COL25A1: variants seen among roughly 807,000 people sequenced by gnomAD.
The protein encoded by COL25A1 is collagen alpha-1(XXV) chain.
COL25A1 carries 103 observed loss-of-function variants against 128.4 expected under a neutral mutation model. That is an observed-to-expected ratio of 0.80 (90% CI 0.68 to 0.94). The LOEUF (loss-of-function observed/expected upper bound fraction) is 0.94, where lower values mean the gene tolerates loss of function less well. COL25A1 is among the 40% of genes least tolerant of loss of function. The probability of loss-of-function intolerance (pLI) is 0.00; values close to 1 mark genes in which losing one functional copy is unlikely to be tolerated. For synonymous variants in COL25A1, 279 were observed against 277.2 expected, an observed-to-expected ratio of 1.01 and a Z score of -0.06; for missense variants, 745 against 840.0, an observed-to-expected ratio of 0.89 and a Z score of 1.40.
At chr4:109,178,742 G>A (rs1433167917) in intron 3 of COL25A1, among the ~76,000 whole-genome samples, 1 of 150,826 alleles carries the variant, frequency 6.6e-6, no homozygotes, top group African/African-American at 2.4e-5. Context: ...AGCTGAGGCA[G>A]GAGAATGGCG....
intron 3 of COL25A1, among the ~76,000 whole-genome samples, chr4:109,216,242 T>C (rs368224970): frequency 8.8e-5 from 13 of 147,688 alleles, no homozygotes; most frequent in African/African-American, 3.3e-4. Flanking sequence ...TTTTATGTAA[T>C]GGATGGATAG....
At chr4:108,884,269 C>A (rs1219195553) in intron 18 of COL25A1, 47 bp from the exon 19 acceptor site, 12 of 1,532,374 alleles carry the variant, frequency 7.8e-6, no homozygotes, top group South Asian at 1.1e-5. Context: ...TTCACTCAGT[C>A]ACAATATGTG....
rs1730846883 is a variant in COL25A1, at chr4:108,812,151, A to T, written c.*1776T>A. ...ACGCTACCAACTCTTTACTGTGCAA[A>T]GAAATGTTCCATCTAATATGGTTAG... On this transcript the variant is annotated 3_prime_UTR_variant, in exon 38 of 38. Transcript: ENST00000399132. The T allele has an allele frequency of 6.6e-6, 1 of 152,204 alleles. No homozygotes were observed. 9.4% of individuals were successfully genotyped at this position (152,204 alleles called of 1,614,324 possible). A position where few individuals can be genotyped will look rare whatever the true frequency, so the allele number is the denominator to read the frequency against.
At chr4:109,112,837 A>C (rs570717836) in intron 3 of COL25A1, among the ~76,000 whole-genome samples, 2 of 152,258 alleles carry the variant, frequency 1.3e-5, no homozygotes, top group East Asian at 3.9e-4. Context: ...CAGATCTCTC[A>C]GAGGTAAAAC....
At chr4:109,137,953 G>A (rs1769956148) in intron 3 of COL25A1, among the ~76,000 whole-genome samples, 1 of 146,560 alleles carries the variant, frequency 6.8e-6, no homozygotes, top group African/African-American at 2.5e-5. Flanking sequence ...AAGGAAGTAG[G>A]GAGAAAACAG....
chr4:108,913,838 C>T (rs1033111251), intron 13 of COL25A1, among the ~76,000 whole-genome samples: 5 of 152,162 alleles, frequency 3.3e-5, no homozygotes, highest in African/African-American at 4.8e-5. Flanking sequence ...GCTCACATTT[C>T]TCCAGAGTAT....
At chr4:109,006,704 T>C (rs13103995) in intron 6 of COL25A1, among the ~76,000 whole-genome samples, 15,258 of 152,186 alleles carry the variant, frequency 0.1, 871 homozygotes, top group African/African-American at 0.13. Context: ...ATACAAAAAC[T>C]CTGCTGCACA....
At chr4:109,218,022 C>T (rs906929011) in intron 3 of COL25A1, among the ~76,000 whole-genome samples, 5 of 151,968 alleles carry the variant, frequency 3.3e-5, no homozygotes, top group South Asian at 2.1e-4. Context: ...TGTGCTGTGG[C>T]GATCTGGCTC....
intron 3 of COL25A1, among the ~76,000 whole-genome samples, chr4:109,196,759 C>T (rs1023266227): frequency 1.7e-4 from 26 of 152,136 alleles, no homozygotes; most frequent in Non-Finnish European, 7.4e-5. Context: ...TAGCAGAAAG[C>T]TACAGTGCTC....
chr4:109,037,709 C>T lies in COL25A1; in HGVS notation c.420+10459G>A, dbSNP rs75683457. On this transcript the variant is annotated intron_variant, in intron 5 of 37. Transcript: ENST00000399132. Reference sequence around the variant, plus strand: ...AGCTGGCCCACGTGTCACTTCTGAGCCATGTGTGCCCTAAGTCTGTCACTC... The same window carrying T: ...AGCTGGCCCACGTGTCACTTCTGAGTCATGTGTGCCCTAAGTCTGTCACTC... Among the ~76,000 whole-genome samples, 972 of 152,310 alleles carry T rather than the reference C, an allele frequency of 6.4e-3. 8 individuals are homozygous for T. The highest frequency in any genetic ancestry group is 0.021 in the African/African-American group (890 of 41,564).
intron 3 of COL25A1, among the ~76,000 whole-genome samples, chr4:109,243,726 C>A (rs1780060031): frequency 6.6e-6 from 1 of 151,960 alleles, no homozygotes; most frequent in South Asian, 2.1e-4. Context: ...AGAAAGATTT[C>A]TCTGAGAGTG....
chr4:108,871,945 T>C (rs1418888837), intron 19 of COL25A1, among the ~76,000 whole-genome samples: 4 of 152,184 alleles, frequency 2.6e-5, no homozygotes, highest in Non-Finnish European at 4.4e-5. Flanking sequence ...GTTCAGCTAG[T>C]TGGGCTATTT....
chr4:108,909,622 G>A (rs1388057872), intron 13 of COL25A1, among the ~76,000 whole-genome samples: 1 of 152,176 alleles, frequency 6.6e-6, no homozygotes, highest in East Asian at 1.9e-4. Context: ...AACACAATTT[G>A]AACAAAGGAA....
chr4:109,045,764 T>C (rs1157870434), intron 5 of COL25A1, among the ~76,000 whole-genome samples: 1 of 152,162 alleles, frequency 6.6e-6, no homozygotes, highest in African/African-American at 2.4e-5. Flanking sequence ...TATAAGCAAC[T>C]TGAATTATCT....
At position 109,194,307 on chromosome 4, in the gene COL25A1, G is replaced by A. The variant is rs558610627; in HGVS notation, c.367+106276C>T. On this transcript the variant is annotated intron_variant, in intron 3 of 37. Transcript: ENST00000399132. ...TCAGGTCAGAGGTTACTCCTTCTAC[G>A]ATGTCATATTCCACACAGTGTTAAT... Among the ~76,000 whole-genome samples the A allele has an allele frequency of 2.3e-3, 345 of 152,260 alleles. 1 individual carries two copies. The highest frequency in any genetic ancestry group is 7.6e-3 in the African/African-American group (317 of 41,544).
chr4:108,909,328 T>G (rs184743616), intron 13 of COL25A1, among the ~76,000 whole-genome samples: 1 of 152,324 alleles, frequency 6.6e-6, no homozygotes, highest in Non-Finnish European at 1.5e-5. Context: ...GAATACTAAA[T>G]AGTAGAAAAG....
chr4:109,150,841 A>G (rs1771425897), intron 3 of COL25A1, among the ~76,000 whole-genome samples: 1 of 152,172 alleles, frequency 6.6e-6, no homozygotes, highest in African/African-American at 2.4e-5. Flanking sequence ...TTGAGATTAT[A>G]TTCCTTCATT....
Position 109,086,553 on chromosome 4 carries a change from A to G in COL25A1, c.368-36374T>C, listed in dbSNP as rs533449312. On this transcript the variant is annotated intron_variant, in intron 3 of 37. Transcript: ENST00000399132. ...AACCATATGACATTTAAAATATTCAAAAATAAATAGAAAAGCTCTGTAGTC... is the reference window on the plus strand; with the variant it reads ...AACCATATGACATTTAAAATATTCAGAAATAAATAGAAAAGCTCTGTAGTC... Among the ~76,000 whole-genome samples, 5 of 152,332 alleles carry G rather than the reference A, an allele frequency of 3.3e-5. No individual in the cohort carries two copies. The South Asian group carries it at 1.0e-3, about 32-fold the overall frequency.
At chr4:108,864,207 A>G (rs1257072115) in intron 20 of COL25A1, among the ~76,000 whole-genome samples, 2 of 152,212 alleles carry the variant, frequency 1.3e-5, no homozygotes, top group African/African-American at 4.8e-5. Context: ...ATGTTGGTAA[A>G]TAGAAAGACC....
Sources: gnomAD v4.1 joint callset for allele counts (sites outside exome capture counted in the v4.1 genomes callset) on GRCh38, gnomAD v4.1.1 for gene constraint, MANE v1.5 for transcripts, NCBI Gene and HGNC (gene_info 2026-07-23, HGNC 2026-07-21) for gene names.